The following THBS2 variants were observed in gnomAD, a reference collection of about 807,000 sequenced individuals.
THBS2 encodes the protein thrombospondin 2.
Under a neutral mutation model 135.2 loss-of-function variants are expected in THBS2, and 47 were observed. The observed-to-expected ratio is 0.35, with a 90% CI of 0.28 to 0.44. The LOEUF is 0.44. Ranked by LOEUF, THBS2 falls within the 20% of genes least tolerant of loss-of-function variation. The pLI, the probability that THBS2 is intolerant of heterozygous loss-of-function variation, is 1.00. For missense variants in THBS2, 1,288 were observed against 1,603.1 expected, an observed-to-expected ratio of 0.80 and a Z score of 3.36; for synonymous variants, 639 against 633.8, an observed-to-expected ratio of 1.01 and a Z score of -0.12.
At position 169,248,931 on chromosome 6, in the gene THBS2, A is replaced by G. The variant is rs1348950520; in HGVS notation, c.95T>C (p.Ile32Thr). The G allele has an allele frequency of 6.2e-7, 1 of 1,613,158 alleles. No individual in the cohort carries two copies. The highest frequency in any genetic ancestry group is 1.1e-5 in the South Asian group (1 of 91,024). ...AATGGTCTTGCGGTTGATGTTGCTG[A>G]TACTGAAAAGGTCGAAGGTCGTGTC... is the stretch of plus-strand genomic sequence containing the variant. ...DKDTTFDLFS[I>T]SNINRKTIGA... is the part of the protein sequence containing the mutation. Residue 32 changes from isoleucine (I) to threonine (T), a missense_variant, in exon 3 of 22, where the codon ATC becomes ACC. By Grantham distance (89) the Ile-to-Thr change is moderately conservative (BLOSUM62 -1). This residue lies in a region of THBS2 where 414 missense variants were observed against 447.0 expected (regional missense o/e 0.93). Coordinates refer to ENST00000617924, the MANE Select transcript of THBS2 (RefSeq NM_003247.5).
chr6:169,229,816 A>AATAAAACATGAAACTT, intron 13 of THBS2, 137 bp from the exon 14 acceptor site: 1 of 631,550 alleles, frequency 1.6e-6, no homozygotes. Flanking sequence ...GCGGGAGCTG[A>AATAAAACATGAAACTT]GAGAGGAGCC....
chr6:169,248,393 C>T lies in THBS2; in HGVS notation c.609+24G>A, dbSNP rs368601253. ...AGCTAAGCTCTTTCCTCCCTCACGG[C>T]GGCCACCTCCCTGCAGAGCGTACCC... On this transcript the variant is annotated intron_variant, in intron 3 of 21. Transcript: ENST00000617924. 4.9e-4 allele frequency: 772 copies of T among 1,575,996 alleles called. 2 individuals are homozygous for T. Among genetic ancestry groups the T allele is most frequent in the South Asian group, 2.6e-3 (224 of 87,188 alleles).
intron 3 of THBS2, among the ~76,000 whole-genome samples, chr6:169,247,739 AGT>A (rs1488065409): frequency 6.8e-6 from 1 of 147,880 alleles, no homozygotes; most frequent in Admixed American, 6.6e-5. Context: ...TGCATGCATG[AGT>A]GTGTTCACAT....
intron 13 of THBS2, 110 bp downstream of exon 13, chr6:169,231,870 C>G: frequency 1.5e-5 from 18 of 1,222,740 alleles, no homozygotes; most frequent in East Asian, 2.5e-5. Context: ...GAGAGACCCT[C>G]CTTCCAAATT....
At chr6:169,229,821 G>T in intron 13 of THBS2, 142 bp from the exon 14 acceptor site, 1 of 612,378 alleles carries the variant, frequency 1.6e-6, no homozygotes, top group South Asian at 2.1e-5. Context: ...AGCTGAGAGA[G>T]GAGCCAGGAG....
chr6:169,246,462 TTTG>T (rs779188402), intron 3 of THBS2, among the ~76,000 whole-genome samples, 181 bp from the exon 4 acceptor site: 5 of 152,208 alleles, frequency 3.3e-5, no homozygotes, highest in Non-Finnish European at 7.3e-5. Context: ...CTTTTGAAAT[TTTG>T]TTTTTAAGCA....
intron 21 of THBS2, among the ~76,000 whole-genome samples, chr6:169,218,875 ATGGATGGATGATGAG>A (rs1779304557): frequency 7.0e-6 from 1 of 141,900 alleles, no homozygotes; most frequent in African/African-American, 2.7e-5. Context: ...TGCTGGGTGG[ATGGATGGATGATGAG>A]TGGGTGGGTA....
chr6:169,245,619 C>G (rs1016735375), intron 4 of THBS2, among the ~76,000 whole-genome samples: 16 of 152,020 alleles, frequency 1.1e-4, no homozygotes, highest in African/African-American at 3.6e-4. Context: ...GCTGAAACCC[C>G]ATCTCTACTA....
chr6:169,230,439 G>C (rs956627990), intron 13 of THBS2, among the ~76,000 whole-genome samples: 2 of 152,164 alleles, frequency 1.3e-5, no homozygotes, highest in African/African-American at 4.8e-5. Flanking sequence ...CTGGAGCCCA[G>C]AGTTTCAGCA....
Position 169,219,131 on chromosome 6 carries a change from GATGA to G in THBS2, c.3511+1063_3511+1066del, listed in dbSNP as rs571768413. On this transcript the variant is annotated intron_variant, in intron 21 of 21. Coordinates refer to ENST00000617924, the MANE Select transcript of THBS2 (RefSeq NM_003247.5). Reference sequence around the variant, plus strand: ...GATGAGTAGGTAGGTGAGTGGATGAGATGAATGGATGGATGGGATAGATGAGTGA... The same window carrying G: ...GATGAGTAGGTAGGTGAGTGGATGAGATGGATGGATGGGATAGATGAGTGA... Among the ~76,000 whole-genome samples, 51 of 150,530 alleles carry G rather than the reference GATGA, an allele frequency of 3.4e-4. No homozygotes were observed. In the East Asian group the frequency reaches 9.9e-3, roughly 29 times the overall value.
chr6:169,223,574 G>C, intron 17 of THBS2, 99 bp from the exon 18 acceptor site: 6 of 950,518 alleles, frequency 6.3e-6, no homozygotes, highest in Non-Finnish European at 9.8e-6. Flanking sequence ...AGAAACATGA[G>C]TGCATCTTTC....
chr6:169,231,524 G>C (rs1779833119), intron 13 of THBS2, among the ~76,000 whole-genome samples: 2 of 152,200 alleles, frequency 1.3e-5, no homozygotes, highest in South Asian at 2.1e-4. Flanking sequence ...GGCCCCGAAG[G>C]AGCTCCTTCT....
At chr6:169,219,644 C>T (rs1779348937) in intron 21 of THBS2, among the ~76,000 whole-genome samples, 1 of 152,138 alleles carries the variant, frequency 6.6e-6, no homozygotes, top group African/African-American at 2.4e-5. Context: ...TGCCCCCAGC[C>T]AAACACATGA....
At chr6:169,221,648 C>T (rs769457929) in intron 19 of THBS2, 121 bp from the exon 20 acceptor site, 35 of 764,146 alleles carry the variant, frequency 4.6e-5, no homozygotes, top group Non-Finnish European at 7.6e-5. Flanking sequence ...GCTCATGGTG[C>T]TCCATATCTC....
chr6:169,225,876 G>A lies in THBS2; in HGVS notation c.2538+304C>T, dbSNP rs1406655076. Among the ~76,000 whole-genome samples, 5 of 152,346 alleles carry A rather than the reference G, an allele frequency of 3.3e-5. No homozygotes were observed. In the South Asian group the frequency reaches 8.3e-4, roughly 25 times the overall value. On this transcript the variant is annotated intron_variant, in intron 16 of 21. Coordinates refer to ENST00000617924, the MANE Select transcript of THBS2 (RefSeq NM_003247.5). ...TCGCTCCAGCTGATGAGGTGAAGGC[G>A]TCTATTCATTTGGCCTGTGGCCACT...
chr6:169,228,949 T>C (rs557721530), intron 14 of THBS2, among the ~76,000 whole-genome samples: 137 of 151,786 alleles, frequency 9.0e-4, no homozygotes, highest in Non-Finnish European at 5.4e-4. Context: ...AAACACTTTT[T>C]CCATATCAAA....
rs113745633 is a variant in THBS2, at chr6:169,232,469, G to A, written c.1932+195C>T. Among the ~76,000 whole-genome samples, 12 of 144,232 alleles carry A rather than the reference G, an allele frequency of 8.3e-5. No individual in the cohort carries two copies. The East Asian group carries it at 2.2e-3, about 27-fold the overall frequency. The allele number at this position is 144,232 out of a possible 152,430, so 94.6% of individuals were successfully genotyped here. ...GTGGCGGCCTGACCCTCACAGGCCCGGCTGAGCACGCCCCGCACCCCGCGC... is the reference window on the plus strand; with the variant it reads ...GTGGCGGCCTGACCCTCACAGGCCCAGCTGAGCACGCCCCGCACCCCGCGC... On this transcript the variant is annotated intron_variant, in intron 12 of 21. Transcript: ENST00000617924.
chr6:169,228,096 G>A (rs377648669), intron 15 of THBS2, 26 bp downstream of exon 15: 59 of 1,564,676 alleles, frequency 3.8e-5, no homozygotes, highest in Non-Finnish European at 4.4e-5. Context: ...AAAAGTGCAC[G>A]CATGGGAAGG....
intron 4 of THBS2, among the ~76,000 whole-genome samples, chr6:169,242,532 C>CCTCCTGGCCTTCCCACCTTCCCACTG (rs1189629285): frequency 6.6e-6 from 1 of 151,764 alleles, no homozygotes; most frequent in Non-Finnish European, 1.5e-5. Context: ...GTGCCTTGCT[C>CCTCCTGGCCTTCCCACCTTCCCACTG]CTCCTGGCCT....
Sources: gnomAD v4.1 joint callset for allele counts (sites outside exome capture counted in the v4.1 genomes callset) on GRCh38, gnomAD v4.1.1 for gene constraint, gnomAD v4.1.1 regional missense constraint, MANE v1.5 for transcripts, NCBI Gene and HGNC (gene_info 2026-07-23, HGNC 2026-07-21) for gene names.